The following NBEAL2 variants were observed in gnomAD, a reference collection of about 807,000 sequenced individuals.
NBEAL2 encodes neurobeachin-like protein 2.
NBEAL2 carries 160 observed loss-of-function variants against 299.8 expected under a neutral mutation model. That is an observed-to-expected ratio of 0.53 (90% CI 0.47 to 0.61). The LOEUF (loss-of-function observed/expected upper bound fraction) is 0.61, where lower values mean the gene tolerates loss of function less well. NBEAL2 is among the 20% of genes least tolerant of loss of function. NBEAL2 has a pLI of 0.00. For missense variants in NBEAL2, 3,112 were observed against 3,649.0 expected (o/e 0.85, Z 3.79); for synonymous variants, 1,493 against 1,542.3 (o/e 0.97, Z 0.75).
intron 1 of NBEAL2, among the ~76,000 whole-genome samples, chr3:46,987,741 G>A (rs2035768143): frequency 6.6e-6 from 1 of 152,110 alleles, no homozygotes; most frequent in Admixed American, 6.5e-5. Flanking sequence ...GCTCTTCCAG[G>A]CGCCAACCTC....
intron 1 of NBEAL2, among the ~76,000 whole-genome samples, chr3:46,986,467 C>T (rs2035679242): frequency 6.6e-6 from 1 of 152,176 alleles, no homozygotes; most frequent in Non-Finnish European, 1.5e-5. Context: ...GCTGGAGAAG[C>T]AGGTTCTGGT....
At chr3:46,996,903 C>T in intron 17 of NBEAL2, 51 bp from the exon 18 acceptor site, 1 of 1,608,824 alleles carries the variant, frequency 6.2e-7, no homozygotes, top group Non-Finnish European at 8.5e-7. Context: ...CTCTGCCTGC[C>T]ACCCCCTCCT....
intron 9 of NBEAL2, 77 bp downstream of exon 9, chr3:46,992,023 G>A: frequency 7.8e-7 from 1 of 1,282,732 alleles, no homozygotes; most frequent in Non-Finnish European, 1.1e-6. Context: ...CCAGGCTGCT[G>A]CTGAGCAAAC....
intron 9 of NBEAL2, 64 bp downstream of exon 9, chr3:46,992,010 G>A: frequency 7.3e-7 from 1 of 1,367,372 alleles, no homozygotes; most frequent in Non-Finnish European, 1.0e-6. Context: ...CCACGCATAG[G>A]TGCCAGGCTG....
At chr3:46,994,948 G>C in intron 12 of NBEAL2, 84 bp from the exon 13 acceptor site, 1 of 1,463,670 alleles carries the variant, frequency 6.8e-7, no homozygotes, top group South Asian at 1.4e-5. Context: ...GACTGCTGCC[G>C]TAGGCAAGTA....
Position 46,991,520 on chromosome 3 carries a change from G to T in NBEAL2, c.757G>T (p.Ala253Ser). 1 of 1,610,620 alleles carries T rather than the reference G, an allele frequency of 6.2e-7. No individual in the cohort carries two copies. Residue 253 changes from alanine (A) to serine (S), a missense_variant, in exon 8 of 54, where the codon GCA (alanine) becomes TCA (serine). By Grantham distance (99) the Ala-to-Ser change is moderately conservative. This residue lies in a region of NBEAL2 where 2,243 missense variants were observed against 2,538.1 expected (regional missense o/e 0.88). Transcript: ENST00000450053. The surrounding 1 kb of genome is among the most constrained non-coding windows in gnomAD (Gnocchi z 6.2). ...GTGCCTAGTGCCACTGGCTCTAGAG[G>T]CACTGGTAGGTGCAGTCCATGTCTT... ...DPCLVPLALE[A>S]LVGAVHVLHA...
rs569555446 is a variant in NBEAL2 at position 47,006,629 on chromosome 3, G to T, written c.7134+180G>T. On this transcript the variant is annotated intron_variant, in intron 45 of 53. Coordinates refer to ENST00000450053, the MANE Select transcript of NBEAL2 (RefSeq NM_015175.3). ...CAGGAGGGGTGCCTTCTTCATCAGG[G>T]CCAGGATAAAGTGTCGACTCAACAA... Among the ~76,000 whole-genome samples, 5 of 152,284 alleles carry T rather than the reference G, an allele frequency of 3.3e-5. No homozygotes were observed. The South Asian group carries it at 6.2e-4, about 19-fold the overall frequency.
rs201977616 is a variant in NBEAL2, at chr3:46,989,256, A to G, written c.352-4A>G. 2.7e-5 allele frequency: 44 copies of G among 1,612,188 alleles called. No individual in the cohort carries two copies. The Admixed American group carries it at 5.5e-4, about 20-fold the overall frequency. On this transcript the variant is annotated splice_region_variant and splice_polypyrimidine_tract_variant and intron_variant, in intron 4 of 53. Transcript: ENST00000450053. This position sits in a 1 kb window ranked among gnomAD's most constrained non-coding sequence, Gnocchi z 5.5. ...GGGCTAACCCTCTCTCCCCACACCT[A>G]CAGCTGAAAGGATGCCCACCACCCC...
At position 47,000,630 on chromosome 3, in the gene NBEAL2, C is replaced by T. The variant is rs2036903781; in HGVS notation, c.4305+226C>T. ...ATGAGCCACAGTGGGTGACACCAGC[C>T]AGGCTTCAGAAGGGCCCTCAAGAGA... On this transcript the variant is annotated intron_variant, in intron 27 of 53. Coordinates refer to ENST00000450053, the MANE Select transcript of NBEAL2 (RefSeq NM_015175.3). The surrounding 1 kb of genome is among the most constrained non-coding windows in gnomAD (Gnocchi z 4.5). Among the ~76,000 whole-genome samples the T allele has an allele frequency of 6.6e-6, 1 of 152,174 alleles. No homozygotes were observed.
rs756767076 is a variant in NBEAL2, at chr3:46,996,257, C to T, written c.2152-14C>T. 14 of 1,603,690 alleles carry T rather than the reference C, an allele frequency of 8.7e-6. No homozygotes were observed. In the Admixed American group the frequency reaches 1.8e-4, roughly 21 times the overall value. ...TGCTGTGACCTGACCGCTCCCCCAA[C>T]CCCGGCCCCACAGCCTTTCTCCTCC... is the stretch of plus-strand genomic sequence containing the variant. On this transcript the variant is annotated splice_polypyrimidine_tract_variant and intron_variant, in intron 15 of 53. Transcript: ENST00000450053.
chr3:46,986,187 C>T (rs923054293), intron 1 of NBEAL2, among the ~76,000 whole-genome samples: 2 of 152,204 alleles, frequency 1.3e-5, no homozygotes, highest in Non-Finnish European at 2.9e-5. Flanking sequence ...GCCCTGAACC[C>T]AGCTCAGCCC....
intron 31 of NBEAL2, 38 bp downstream of exon 31, chr3:47,002,326 C>G: frequency 6.2e-7 from 1 of 1,601,642 alleles, no homozygotes. Context: ...GGAGTGGGGG[C>G]TGGGGCCCAC....
At position 46,991,165 on chromosome 3, in the gene NBEAL2, G is replaced by A. The variant is rs1336271723; in HGVS notation, c.557-54G>A. The A allele has an allele frequency of 6.7e-7, 1 of 1,486,186 alleles. No individual in the cohort carries two copies. Among genetic ancestry groups the A allele is most frequent in the Non-Finnish European group, 9.2e-7 (1 of 1,083,370 alleles). The allele number at this position is 1,486,186 out of a possible 1,614,324, so 92.1% of individuals were successfully genotyped here. A position where few individuals can be genotyped will look rare whatever the true frequency, so the allele number is the denominator to read the frequency against. ...ACTCACCTCTTGTGCAGCCCCCTGG[G>A]TCCATAGCCCTGCAACCTTGGTGAC... On this transcript the variant is annotated intron_variant, in intron 6 of 53. Transcript: ENST00000450053. This position sits in a 1 kb window ranked among gnomAD's most constrained non-coding sequence, Gnocchi z 6.2.
chr3:47,001,323 A>G lies in NBEAL2; in HGVS notation c.4529A>G (p.Glu1510Gly). Residue 1510 changes from glutamate (E) to glycine (G), a missense_variant, in exon 29 of 54, where the codon GAG becomes GGG. Around this residue, in one of 3 missense-constraint regions of NBEAL2, gnomAD observed 2,243 missense variants for 2,538.1 expected, o/e 0.88. Transcript: ENST00000450053. The surrounding 1 kb of genome is among the most constrained non-coding windows in gnomAD (Gnocchi z 6.1). Reference protein sequence around the residue: ...MLESALTDIKEAPVGVLASLT... With the variant: ...MLESALTDIKGAPVGVLASLT... ...GAGTCAGCCCTGACCGACATCAAAG[A>G]GGCCCCCGTGGGGGTCCTGGCCAGC... The G allele has an allele frequency of 6.2e-7, 1 of 1,612,758 alleles. No individual in the cohort carries two copies. Among genetic ancestry groups the G allele is most frequent in the Non-Finnish European group, 8.5e-7 (1 of 1,179,324 alleles).
At position 47,003,287 on chromosome 3, in the gene NBEAL2, G is replaced by A. The variant is rs773784405; in HGVS notation, c.5698G>A (p.Glu1900Lys). The change falls in exon 35 of 54, where the codon GAG becomes AAG. Residue 1900 changes from glutamate to lysine, a missense_variant. Glu to Lys is a moderately conservative substitution (Grantham distance 56). Coordinates refer to ENST00000450053, the MANE Select transcript of NBEAL2 (RefSeq NM_015175.3). The surrounding 1 kb of genome is among the most constrained non-coding windows in gnomAD (Gnocchi z 7.0). ...LLQEDQLGED[E>K]LAELETPMEA... is the part of the protein sequence containing the mutation. ...GCAGGAGGACCAGCTCGGCGAGGAC[G>A]AGCTGGCTGAGCTGGAGACCCCGTG... The A allele has an allele frequency of 4.3e-6, 7 of 1,612,766 alleles. No individual in the cohort carries two copies. Among genetic ancestry groups the A allele is most frequent in the Non-Finnish European group, 5.1e-6 (6 of 1,179,768 alleles).
chr3:47,009,071 G>T lies in NBEAL2; in HGVS notation c.8110G>T (p.Val2704Leu). ...AVTKERSHVL[V>L]GLEDGKLIVV... ...GACCAAGGAGCGCAGCCACGTGCTG[G>T]TGGGCCTGGAGGATGGCAAGCTCAT... Residue 2704 changes from valine (V) to leucine (L), a missense_variant, in exon 53 of 54, where the codon GTG (valine) becomes TTG (leucine). Val to Leu is a conservative substitution (Grantham distance 32). Transcript: ENST00000450053. 1 of 1,602,438 alleles carries T rather than the reference G, an allele frequency of 6.2e-7. No individual in the cohort carries two copies. Among genetic ancestry groups the T allele is most frequent in the Non-Finnish European group, 8.5e-7 (1 of 1,179,648 alleles).
In NBEAL2 at chr3:47,000,624, AC is replaced by A. The variant is rs1026094376; in HGVS notation, c.4305+222del. On this transcript the variant is annotated intron_variant, in intron 27 of 53. Coordinates refer to ENST00000450053, the MANE Select transcript of NBEAL2 (RefSeq NM_015175.3). The surrounding 1 kb of genome is among the most constrained non-coding windows in gnomAD (Gnocchi z 4.5). ...GTCATGATGAGCCACAGTGGGTGAC[AC>A]CAGCCAGGCTTCAGAAGGGCCCTCA... Among the ~76,000 whole-genome samples the A allele has an allele frequency of 5.9e-5, 9 of 152,134 alleles. No individual in the cohort carries two copies. Among genetic ancestry groups the A allele is most frequent in the African/African-American group, 2.2e-4 (9 of 41,428 alleles).
At position 47,008,203 on chromosome 3, in the gene NBEAL2, G is replaced by T; in HGVS notation, c.7719+17G>T. The T allele has an allele frequency of 6.2e-7, 1 of 1,613,778 alleles. No individual in the cohort carries two copies. Among genetic ancestry groups the T allele is most frequent in the Non-Finnish European group, 8.5e-7 (1 of 1,179,764 alleles). The stretch of plus-strand genomic sequence containing the variant: ...GGATCTGAGGTGTGTGTATGCATGT[G>T]CCCTGGGGAGGGTGAGTTTCCTGGG... On this transcript the variant is annotated intron_variant, in intron 50 of 53. Transcript: ENST00000450053.
rs761277099 is a variant in NBEAL2 at position 47,002,421 on chromosome 3, C to T, written c.5202C>T (p.His1734=). Residue 1734 remains histidine (H), a synonymous_variant, in exon 32 of 54, where the codon CAC becomes CAT. Coordinates refer to ENST00000450053, the MANE Select transcript of NBEAL2 (RefSeq NM_015175.3). Reference sequence around the variant, plus strand: ...AAATGGACACGTATGCTAAGAGCCACGACCTTATGTCAGGTTTCTGGAATG... The same window carrying T: ...AAATGGACACGTATGCTAAGAGCCATGACCTTATGTCAGGTTTCTGGAATG... ...QFEMDTYAKS[H]DLMSGFWNAC... The T allele has an allele frequency of 7.4e-6, 12 of 1,613,574 alleles. No homozygotes were observed. The highest frequency in any genetic ancestry group is 3.3e-5 in the South Asian group (3 of 91,092).
Sources: allele counts gnomAD v4.1 joint callset (sites outside exome capture counted in the v4.1 genomes callset), GRCh38; gene constraint gnomAD v4.1.1; regional missense constraint gnomAD v4.1.1; non-coding constraint Gnocchi (gnomAD v3.1); transcripts MANE v1.5; gene names NCBI Gene and HGNC (gene_info 2026-07-23, HGNC 2026-07-21).